Variants in AUTS2 observed in about 807,000 individuals in gnomAD.
The protein encoded by AUTS2 is activator of transcription and developmental regulator AUTS2.
AUTS2 carries 17 observed loss-of-function variants against 112.4 expected under a neutral mutation model. The observed-to-expected ratio is 0.15, with a 90% confidence interval of 0.10 to 0.23. The LOEUF is 0.23. Ranked by LOEUF, AUTS2 falls within the 10% of genes least tolerant of loss-of-function variation. The probability of loss-of-function intolerance (pLI) is 1.00; values close to 1 mark genes in which losing one functional copy is unlikely to be tolerated. For synonymous variants in AUTS2, 751 were observed against 702.7 expected (o/e 1.07, Z -1.09); for missense variants, 1,510 against 1,701.6 (o/e 0.89, Z 1.98).
At chr7:70,781,364 CAAAAA>C (rs756708435) in intron 14 of AUTS2, 80 of 123,280 alleles carry the variant, frequency 6.5e-4, no homozygotes, top group South Asian at 1.1e-3. Context: ...GACTCCGTCA[CAAAAA>C]AAAAAAAAAA....
chr7:69,831,345 A>G (rs896942759), intron 1 of AUTS2, among the ~76,000 whole-genome samples: 1 of 152,160 alleles, frequency 6.6e-6, no homozygotes, highest in Non-Finnish European at 1.5e-5. Context: ...TCATTGCTGG[A>G]AATGAGATGC....
intron 1 of AUTS2, among the ~76,000 whole-genome samples, chr7:69,717,507 A>G (rs1258241813): frequency 6.6e-6 from 1 of 152,200 alleles, no homozygotes; most frequent in Non-Finnish European, 1.5e-5. Context: ...CATAACTCTT[A>G]GGGGAAATGA....
chr7:69,960,289 G>C (rs1584495278), intron 2 of AUTS2, among the ~76,000 whole-genome samples: 3 of 152,154 alleles, frequency 2.0e-5, no homozygotes, highest in Admixed American at 6.6e-5. Flanking sequence ...TCCAGAGGGA[G>C]AGCTAAGTAA....
chr7:70,432,564 G>A (rs963785462), intron 4 of AUTS2, among the ~76,000 whole-genome samples: 4 of 152,192 alleles, frequency 2.6e-5, no homozygotes, highest in African/African-American at 9.7e-5. Context: ...TAGGACTGTG[G>A]CTCGCTTTCC....
At chr7:70,546,051 CATTGCCACAATAT>C (rs1563031070) in intron 5 of AUTS2, among the ~76,000 whole-genome samples, 1 of 152,160 alleles carries the variant, frequency 6.6e-6, no homozygotes, top group Non-Finnish European at 1.5e-5. Context: ...GTGGTTTTCC[CATTGCCACAATAT>C]ATGTGGTGAA....
chr7:70,084,336 TTATGTATAA>T (rs1803480209), intron 2 of AUTS2, among the ~76,000 whole-genome samples: 1 of 152,232 alleles, frequency 6.6e-6, no homozygotes, highest in Admixed American at 6.5e-5. Context: ...GTTTTTGTTA[TTATGTATAA>T]TGCAGCTATG....
At chr7:69,855,719 T>G (rs1792690489) in intron 1 of AUTS2, among the ~76,000 whole-genome samples, 1 of 152,224 alleles carries the variant, frequency 6.6e-6, no homozygotes, top group Non-Finnish European at 1.5e-5. Context: ...ACTGCCAGAC[T>G]TAACTTATAA....
At chr7:70,500,106 G>A (rs929355561) in intron 5 of AUTS2, among the ~76,000 whole-genome samples, 3 of 150,554 alleles carry the variant, frequency 2.0e-5, no homozygotes, top group East Asian at 3.9e-4. Context: ...ACAACTACAC[G>A]TTTCCTCCCT....
At chr7:70,373,255 G>A (rs1298041297) in intron 4 of AUTS2, among the ~76,000 whole-genome samples, 2 of 152,000 alleles carry the variant, frequency 1.3e-5, no homozygotes, top group African/African-American at 4.8e-5. Flanking sequence ...GTTTCTGCTG[G>A]TGTAGGCAGC....
intron 5 of AUTS2, among the ~76,000 whole-genome samples, chr7:70,578,916 T>C (rs935009078): frequency 3.2e-5 from 4 of 125,372 alleles, no homozygotes; most frequent in African/African-American, 1.3e-4. Context: ...TTCTTTCTTT[T>C]TTTTTCTTTC....
chr7:69,692,067 A>T (rs1024492189), intron 1 of AUTS2, among the ~76,000 whole-genome samples: 2 of 152,150 alleles, frequency 1.3e-5, no homozygotes, highest in Admixed American at 1.3e-4. Flanking sequence ...GCCAGTGCCT[A>T]CAAGGGCTGT....
At chr7:70,047,922 G>C (rs1241118151) in intron 2 of AUTS2, among the ~76,000 whole-genome samples, 1 of 152,158 alleles carries the variant, frequency 6.6e-6, no homozygotes, top group Non-Finnish European at 1.5e-5. Context: ...ACATCTTAAA[G>C]GGGAGCTCTT....
chr7:69,996,029 G>T (rs182038433), intron 2 of AUTS2, among the ~76,000 whole-genome samples: 1 of 152,138 alleles, frequency 6.6e-6, no homozygotes, highest in Non-Finnish European at 1.5e-5. Context: ...TTCTTTCACC[G>T]TGAGGAATGA....
At chr7:69,997,834 A>G (rs998633253) in intron 2 of AUTS2, among the ~76,000 whole-genome samples, 3 of 152,202 alleles carry the variant, frequency 2.0e-5, no homozygotes, top group African/African-American at 4.8e-5. Flanking sequence ...GGAGAGGACA[A>G]AACATCCAAA....
intron 6 of AUTS2, among the ~76,000 whole-genome samples, chr7:70,747,925 C>T (rs900899481): frequency 1.3e-5 from 2 of 151,424 alleles, no homozygotes; most frequent in East Asian, 3.9e-4. Flanking sequence ...GGGTTCACGC[C>T]ATTGTCCTGC....
chr7:70,464,092 C>T (rs758651746), intron 5 of AUTS2, among the ~76,000 whole-genome samples: 48 of 152,308 alleles, frequency 3.2e-4, no homozygotes, highest in Non-Finnish European at 5.6e-4. Flanking sequence ...ATGTTTGCCT[C>T]CTCCCACACT....
At chr7:69,991,039 A>G (rs1798722486) in intron 2 of AUTS2, among the ~76,000 whole-genome samples, 1 of 152,166 alleles carries the variant, frequency 6.6e-6, no homozygotes, top group South Asian at 2.1e-4. Flanking sequence ...GGTCTTGTGA[A>G]GAGACGAGAT....
At chr7:69,722,141 C>T (rs917966133) in intron 1 of AUTS2, among the ~76,000 whole-genome samples, 4 of 132,094 alleles carry the variant, frequency 3.0e-5, no homozygotes, top group Non-Finnish European at 6.4e-5. Context: ...GGGATCCTCA[C>T]AATGAAGGGC....
At chr7:69,704,772 T>C (rs1712496545) in intron 1 of AUTS2, among the ~76,000 whole-genome samples, 1 of 152,242 alleles carries the variant, frequency 6.6e-6, no homozygotes, top group African/African-American at 2.4e-5. Context: ...CCCAAGGTCA[T>C]GTACCTTGTG....
Sources: allele counts gnomAD v4.1 joint callset (sites outside exome capture counted in the v4.1 genomes callset), GRCh38; gene constraint gnomAD v4.1.1; transcripts MANE v1.5; gene names NCBI Gene and HGNC (gene_info 2026-07-23, HGNC 2026-07-21).